Variants in UBE2R2 observed in about 807,000 individuals in gnomAD.
UBE2R2 encodes ubiquitin conjugating enzyme E2 R2, also known as ubiquitin-conjugating enzyme E2 R2.
In UBE2R2, 1 loss-of-function variant was observed where a neutral mutation model predicts 27.8. That is an observed-to-expected ratio of 0.04 (90% confidence interval 0.01 to 0.17). The LOEUF (loss-of-function observed/expected upper bound fraction) is 0.17. Among genes scored for constraint, UBE2R2 ranks in the 10% least tolerant of loss-of-function variants. The pLI is 1.00. For synonymous variants in UBE2R2, 106 were observed against 113.3 expected (o/e 0.94, Z 0.41); for missense variants, 100 against 291.0 (o/e 0.34, Z 4.78).
chr9:33,877,762 A>G (rs1821636711), intron 1 of UBE2R2, among the ~76,000 whole-genome samples: 2 of 151,386 alleles, frequency 1.3e-5, no homozygotes, highest in East Asian at 3.9e-4. Flanking sequence ...AGTGAAAATT[A>G]GCAATATATA....
intron 1 of UBE2R2, among the ~76,000 whole-genome samples, chr9:33,848,966 T>G (rs1820904027): frequency 6.6e-6 from 1 of 151,744 alleles, no homozygotes; most frequent in Admixed American, 6.6e-5. Flanking sequence ...TAATAATAAC[T>G]CCTGTTTAGG....
intron 2 of UBE2R2, among the ~76,000 whole-genome samples, chr9:33,896,862 G>A (rs1373415988): frequency 2.0e-5 from 3 of 151,452 alleles, no homozygotes; most frequent in Admixed American, 6.6e-5. Flanking sequence ...TCCATTGTCT[G>A]TGTCAATTTG....
intron 1 of UBE2R2, among the ~76,000 whole-genome samples, chr9:33,878,850 T>A (rs1821670877): frequency 6.6e-6 from 1 of 152,096 alleles, no homozygotes; most frequent in Non-Finnish European, 1.5e-5. Flanking sequence ...AGGAAGATTG[T>A]GAGTTATTTA....
intron 1 of UBE2R2, among the ~76,000 whole-genome samples, chr9:33,823,265 T>G (rs548693289): frequency 7.2e-5 from 11 of 152,122 alleles, no homozygotes; most frequent in African/African-American, 9.7e-5. Flanking sequence ...CTTGAACTCC[T>G]GGGCTCAAGT....
At chr9:33,890,917 C>CA (rs2130800131) in intron 2 of UBE2R2, among the ~76,000 whole-genome samples, 1 of 152,234 alleles carries the variant, frequency 6.6e-6, no homozygotes, top group East Asian at 1.9e-4. Flanking sequence ...TATTAACCTT[C>CA]ATAGCAGTAT....
rs1030947938 is a variant in UBE2R2, at chr9:33,919,309, A to T, written c.*2072A>T. On this transcript the variant is annotated 3_prime_UTR_variant, in exon 5 of 5. Coordinates refer to ENST00000263228, the MANE Select transcript of UBE2R2 (RefSeq NM_017811.4). The stretch of plus-strand genomic sequence containing the variant: ...TTTACCTCCCCCAAAATGCCCCCAA[A>T]CCCCCATGCAAGTTTACAGCCAGTA... 2 of 151,376 alleles carry T rather than the reference A, an allele frequency of 1.3e-5. No individual in the cohort carries two copies. The highest frequency in any genetic ancestry group is 4.9e-5 in the African/African-American group (2 of 41,156). The allele number at this position is 151,376 out of a possible 1,614,324, so 9.4% of individuals were successfully genotyped here. A position where few individuals can be genotyped will look rare whatever the true frequency, so the allele number is the denominator to read the frequency against.
At chr9:33,881,049 A>G (rs1056137281) in intron 1 of UBE2R2, among the ~76,000 whole-genome samples, 1 of 152,012 alleles carries the variant, frequency 6.6e-6, no homozygotes, top group Non-Finnish European at 1.5e-5. Flanking sequence ...GCATTTTTCT[A>G]TTTTTCCATT....
At chr9:33,913,872 A>G (rs968122077) in intron 4 of UBE2R2, among the ~76,000 whole-genome samples, 5 of 152,192 alleles carry the variant, frequency 3.3e-5, no homozygotes, top group East Asian at 1.9e-4. Context: ...CTGTGTGTGT[A>G]TATATATCTC....
chr9:33,918,902 A>C lies in UBE2R2; in HGVS notation c.*1665A>C, dbSNP rs1822725767. The C allele has an allele frequency of 6.6e-6, 1 of 151,786 alleles. No homozygotes were observed. The highest frequency in any genetic ancestry group is 2.5e-5 in the African/African-American group (1 of 40,590). The allele number at this position is 151,786 out of a possible 1,614,324, so 9.4% of individuals were successfully genotyped here. A position where few individuals can be genotyped will look rare whatever the true frequency, so the allele number is the denominator to read the frequency against. ...CTTCCATTCTGATCTCAGGGTTTTC[A>C]CTCTTCAAACTCCCAAACACATGAC... is the stretch of plus-strand genomic sequence containing the variant. On this transcript the variant is annotated 3_prime_UTR_variant, in exon 5 of 5. Coordinates refer to ENST00000263228, the MANE Select transcript of UBE2R2 (RefSeq NM_017811.4).
intron 1 of UBE2R2, among the ~76,000 whole-genome samples, chr9:33,865,270 C>T (rs950822734): frequency 1.3e-5 from 2 of 151,896 alleles, no homozygotes; most frequent in Non-Finnish European, 1.5e-5. Flanking sequence ...GGTGCGATCT[C>T]GGCTCACTCA....
intron 1 of UBE2R2, among the ~76,000 whole-genome samples, chr9:33,838,761 A>T (rs976087963): frequency 8.5e-5 from 13 of 152,162 alleles, no homozygotes; most frequent in African/African-American, 3.1e-4. Flanking sequence ...ATAAACCTCT[A>T]AAGCAACAGT....
chr9:33,878,886 C>T lies in UBE2R2; in HGVS notation c.178-7995C>T, dbSNP rs563415784. Among the ~76,000 whole-genome samples, 14 of 152,168 alleles carry T rather than the reference C, an allele frequency of 9.2e-5. No individual in the cohort carries two copies. In the South Asian group the frequency reaches 2.5e-3, roughly 27 times the overall value. ...CACAGGAGGACTTATGTGTCCTGGA[C>T]GATGAAGAAAGGCTGACTTGTGGCT... On this transcript the variant is annotated intron_variant, in intron 1 of 4. Coordinates refer to ENST00000263228, the MANE Select transcript of UBE2R2 (RefSeq NM_017811.4).
intron 1 of UBE2R2, among the ~76,000 whole-genome samples, chr9:33,844,965 C>T (rs1820810157): frequency 6.6e-6 from 1 of 151,854 alleles, no homozygotes; most frequent in African/African-American, 2.4e-5. Context: ...GACGGGGTTT[C>T]ACCATGTTGG....
At chr9:33,868,552 T>C in intron 1 of UBE2R2, 1 of 152,282 alleles carries the variant, frequency 6.6e-6, no homozygotes. Context: ...CACCCTTTTC[T>C]TGGGGTTGCG....
chr9:33,894,165 C>G (rs1347420375), intron 2 of UBE2R2, among the ~76,000 whole-genome samples: 1 of 152,006 alleles, frequency 6.6e-6, no homozygotes, highest in Admixed American at 6.6e-5. Flanking sequence ...GGTGCAGTGG[C>G]TCACATCTGT....
Position 33,909,942 on chromosome 9 carries a change from A to G in UBE2R2, c.363-2022A>G, listed in dbSNP as rs767053767. Among the ~76,000 whole-genome samples the G allele has an allele frequency of 7.0e-4, 106 of 152,322 alleles. 1 individual carries two copies. The highest frequency in any genetic ancestry group is 1.2e-3 in the East Asian group (6 of 5,190). ...AAAGTTTTCATCAAATCAAACATCT[A>G]ATTGCCTGGTTTCCTCCCTTTATTT... On this transcript the variant is annotated intron_variant, in intron 3 of 4. Transcript: ENST00000263228.
At chr9:33,832,002 A>G (rs1271553419) in intron 1 of UBE2R2, among the ~76,000 whole-genome samples, 1 of 151,880 alleles carries the variant, frequency 6.6e-6, no homozygotes, top group African/African-American at 2.4e-5. Flanking sequence ...TGAATCAACG[A>G]TAGCAATCAC....
chr9:33,830,911 A>C (rs1322522352), intron 1 of UBE2R2: 3 of 152,040 alleles, frequency 2.0e-5, no homozygotes, highest in Non-Finnish European at 4.4e-5. Context: ...TAAACATTGA[A>C]TAATTTCTAC....
intron 1 of UBE2R2, among the ~76,000 whole-genome samples, chr9:33,839,646 C>G (rs935742251): frequency 6.6e-6 from 1 of 152,184 alleles, no homozygotes; most frequent in African/African-American, 2.4e-5. Flanking sequence ...CCTTACTAGA[C>G]TCCAGATTTG....
Sources: gnomAD v4.1 joint callset for allele counts (sites outside exome capture counted in the v4.1 genomes callset) on GRCh38, gnomAD v4.1.1 for gene constraint, MANE v1.5 for transcripts, NCBI Gene and HGNC (gene_info 2026-07-23, HGNC 2026-07-21) for gene names.